The following GPC5 variants were observed in gnomAD, a reference collection of about 807,000 sequenced individuals.
GPC5 encodes the protein glypican-5.
A neutral mutation model predicts 53.9 loss-of-function variants in GPC5; 47 were observed. That is an observed-to-expected ratio of 0.87 (90% CI 0.69 to 1.11). The LOEUF is 1.11. Ranked by LOEUF, GPC5 falls within the 50% of genes most tolerant of loss-of-function variation. The pLI is 0.00. For missense variants in GPC5, 748 were observed against 713.1 expected (o/e 1.05, Z -0.56); for synonymous variants, 286 against 263.3 (o/e 1.09, Z -0.84).
chr13:92,611,584 C>A (rs1210215325), intron 7 of GPC5, among the ~76,000 whole-genome samples: 2 of 145,698 alleles, frequency 1.4e-5, no homozygotes, highest in South Asian at 2.1e-4. Context: ...TAGTAGTCCT[C>A]AAGAGTTTTT....
At chr13:91,622,533 A>C (rs1461929303) in intron 2 of GPC5, among the ~76,000 whole-genome samples, 6 of 152,152 alleles carry the variant, frequency 3.9e-5, no homozygotes, top group African/African-American at 1.4e-4. Context: ...AAGTACTATA[A>C]AAAAGTTTAC....
At chr13:92,616,771 T>C (rs1475907812) in intron 7 of GPC5, among the ~76,000 whole-genome samples, 1 of 152,168 alleles carries the variant, frequency 6.6e-6, no homozygotes, top group Non-Finnish European at 1.5e-5. Flanking sequence ...CTTGTGAAAC[T>C]TCATGTATGA....
chr13:92,352,188 G>A (rs891036538), intron 7 of GPC5, among the ~76,000 whole-genome samples: 4 of 151,622 alleles, frequency 2.6e-5, no homozygotes, highest in African/African-American at 9.7e-5. Flanking sequence ...CACAGAGAAG[G>A]GGCTATTCCA....
intron 7 of GPC5, among the ~76,000 whole-genome samples, chr13:92,624,003 T>TACC: frequency 6.6e-6 from 1 of 150,536 alleles, no homozygotes; most frequent in South Asian, 2.1e-4. Context: ...TACAGGTGCC[T>TACC]ACCACCATGC....
At chr13:92,683,548 G>A (rs890365640) in intron 7 of GPC5, among the ~76,000 whole-genome samples, 1 of 152,146 alleles carries the variant, frequency 6.6e-6, no homozygotes, top group African/African-American at 2.4e-5. Flanking sequence ...AACTGATGAG[G>A]ATTGATGTGG....
At chr13:91,899,460 T>C (rs575118277) in intron 5 of GPC5, among the ~76,000 whole-genome samples, 11 of 152,266 alleles carry the variant, frequency 7.2e-5, no homozygotes, top group Admixed American at 2.6e-4. Flanking sequence ...GAAAATAGAA[T>C]ATGATTTTTG....
At chr13:92,089,173 G>A (rs1331283852) in intron 6 of GPC5, among the ~76,000 whole-genome samples, 1 of 152,160 alleles carries the variant, frequency 6.6e-6, no homozygotes, top group Non-Finnish European at 1.5e-5. Context: ...AGTGGCTCAA[G>A]CCTGTAATCC....
intron 7 of GPC5, among the ~76,000 whole-genome samples, chr13:92,346,035 C>G (rs2043408621): frequency 6.6e-6 from 1 of 152,138 alleles, no homozygotes; most frequent in Non-Finnish European, 1.5e-5. Flanking sequence ...CCATACTTTG[C>G]CTCAGAGCAT....
At chr13:91,569,445 A>C (rs1313949333) in intron 2 of GPC5, among the ~76,000 whole-genome samples, 1 of 152,068 alleles carries the variant, frequency 6.6e-6, no homozygotes, top group African/African-American at 2.4e-5. Flanking sequence ...ACTCTACATC[A>C]GTTTCTGTAC....
intron 7 of GPC5, among the ~76,000 whole-genome samples, chr13:92,633,037 T>C (rs1885303905): frequency 6.6e-6 from 1 of 152,102 alleles, no homozygotes; most frequent in South Asian, 2.1e-4. Flanking sequence ...ATTACAGGCA[T>C]GCACCACTAT....
At chr13:91,578,818 G>C (rs578256220) in intron 2 of GPC5, among the ~76,000 whole-genome samples, 2 of 152,170 alleles carry the variant, frequency 1.3e-5, no homozygotes, top group Non-Finnish European at 1.5e-5. Context: ...GGCTGAGGCA[G>C]GTGGATTGCT....
intron 2 of GPC5, among the ~76,000 whole-genome samples, chr13:91,535,049 A>T (rs2138690872): frequency 6.6e-6 from 1 of 152,110 alleles, no homozygotes; most frequent in South Asian, 2.1e-4. Flanking sequence ...CTCTCAAATC[A>T]CTTCTTCTCA....
At chr13:92,545,627 C>A (rs1008057773) in intron 7 of GPC5, among the ~76,000 whole-genome samples, 13 of 152,090 alleles carry the variant, frequency 8.5e-5, no homozygotes, top group Admixed American at 2.0e-4. Context: ...TGGTGTGAGA[C>A]GGTATCTCAT....
At chr13:92,298,040 C>T (rs781223295) in intron 7 of GPC5, among the ~76,000 whole-genome samples, 62 of 152,184 alleles carry the variant, frequency 4.1e-4, no homozygotes, top group African/African-American at 1.1e-3. Context: ...CCACCAATTC[C>T]GGACACACTA....
chr13:92,203,093 C>A lies in GPC5; in HGVS notation c.1561+58104C>A, dbSNP rs553831589. ...TTGATGACAAACTGGATGTGGAGCC[C>A]AGATCTTTTAATTTTTACTTTAATA... On this transcript the variant is annotated intron_variant, in intron 7 of 7. Coordinates refer to ENST00000377067, the MANE Select transcript of GPC5 (RefSeq NM_004466.6). Among the ~76,000 whole-genome samples the A allele has an allele frequency of 3.3e-5, 5 of 152,194 alleles. No homozygotes were observed. The East Asian group carries it at 9.7e-4, about 29-fold the overall frequency.
intron 7 of GPC5, among the ~76,000 whole-genome samples, chr13:92,752,645 G>A (rs926507879): frequency 6.6e-6 from 1 of 152,168 alleles, no homozygotes; most frequent in African/African-American, 2.4e-5. Flanking sequence ...CCGTGCGCGA[G>A]CTGAAGCAGG....
chr13:91,416,839 T>G (rs570858371), intron 1 of GPC5, among the ~76,000 whole-genome samples: 1 of 152,344 alleles, frequency 6.6e-6, no homozygotes, highest in East Asian at 1.9e-4. Context: ...ATTTTCTTAA[T>G]CCAGTCTATC....
intron 7 of GPC5, among the ~76,000 whole-genome samples, chr13:92,401,038 A>G (rs1319964390): frequency 6.6e-6 from 1 of 152,142 alleles, no homozygotes; most frequent in Admixed American, 6.5e-5. Context: ...AAATACAATA[A>G]TGTAAAATCA....
At chr13:91,751,602 ATAAAT>A (rs1441058181) in intron 4 of GPC5, among the ~76,000 whole-genome samples, 3 of 152,328 alleles carry the variant, frequency 2.0e-5, no homozygotes, top group African/African-American at 7.2e-5. Context: ...AGGAGCATAC[ATAAAT>A]TCTGCCTACA....
Sources: allele counts gnomAD v4.1 joint callset (sites outside exome capture counted in the v4.1 genomes callset), GRCh38; gene constraint gnomAD v4.1.1; transcripts MANE v1.5; gene names NCBI Gene and HGNC (gene_info 2026-07-23, HGNC 2026-07-21).